The following CDH3 variants were observed in gnomAD, a reference collection of about 807,000 sequenced individuals.
CDH3 encodes the protein cadherin-3.
In CDH3, 54 loss-of-function variants were observed where a neutral mutation model predicts 82.0. The ratio of observed to expected loss-of-function variants is 0.66; its 90% CI spans 0.53 to 0.83. CDH3 has a LOEUF of 0.83. Among genes scored for constraint, CDH3 ranks in the 40% least tolerant of loss-of-function variants. The probability of loss-of-function intolerance (pLI) is 0.00; values close to 1 mark genes in which losing one functional copy is unlikely to be tolerated. For missense variants in CDH3, 1,054 were observed against 1,084.6 expected (o/e 0.97, Z 0.40); for synonymous variants, 446 against 437.9 (o/e 1.02, Z -0.23).
chr16:68,656,641 T>C (rs930486334), intron 2 of CDH3, among the ~76,000 whole-genome samples: 1 of 152,194 alleles, frequency 6.6e-6, no homozygotes, highest in African/African-American at 2.4e-5. Flanking sequence ...GGTGTCACAT[T>C]TTGAACACAG....
intron 2 of CDH3, among the ~76,000 whole-genome samples, chr16:68,675,794 A>AG: frequency 7.0e-6 from 1 of 142,806 alleles, no homozygotes; most frequent in East Asian, 2.0e-4. Flanking sequence ...CTCTGCCTCG[A>AG]AAAAAAAAAA....
chr16:68,683,919 T>C (rs915900449), intron 9 of CDH3, among the ~76,000 whole-genome samples: 4 of 150,584 alleles, frequency 2.7e-5, no homozygotes, highest in Non-Finnish European at 4.4e-5. Context: ...ATACAAAAAT[T>C]AGCTGGGCGT....
At chr16:68,645,528 C>G in intron 1 of CDH3, 104 bp downstream of exon 1, 1 of 1,477,008 alleles carries the variant, frequency 6.8e-7, no homozygotes. Context: ...GCTGCGCTCC[C>G]TGGGGCCAAG....
Position 68,678,757 on chromosome 16 carries a change from C to T in CDH3, c.547-5C>T. The T allele has an allele frequency of 6.2e-7, 1 of 1,614,124 alleles. No homozygotes were observed. Among genetic ancestry groups the T allele is most frequent in the Non-Finnish European group, 8.5e-7 (1 of 1,180,004 alleles). ...GGGCTGACCCCAGAGCTGTGTACCC[C>T]ACAGCTCTTTGGCCACGCTGTGTCA... On this transcript the variant is annotated splice_region_variant and splice_polypyrimidine_tract_variant and intron_variant, in intron 5 of 15. Coordinates refer to ENST00000264012, the MANE Select transcript of CDH3 (RefSeq NM_001793.6).
intron 2 of CDH3, among the ~76,000 whole-genome samples, chr16:68,648,701 C>T (rs373242507): frequency 6.6e-6 from 1 of 152,192 alleles, no homozygotes; most frequent in African/African-American, 2.4e-5. Flanking sequence ...CTTCCCACCT[C>T]AGCCTCCCAA....
chr16:68,719,137 G>C (rs1048438951), intron 1 of CDH3, among the ~76,000 whole-genome samples: 2 of 151,850 alleles, frequency 1.3e-5, no homozygotes, highest in Non-Finnish European at 2.9e-5. Context: ...AGCTACTTGG[G>C]AGGCTGAGAC....
At chr16:68,671,631 C>G (rs972140508) in intron 2 of CDH3, among the ~76,000 whole-genome samples, 4 of 149,090 alleles carry the variant, frequency 2.7e-5, no homozygotes, top group Admixed American at 6.8e-5. Flanking sequence ...AAGCGATTCT[C>G]CTGCCTCAGC....
At chr16:68,710,883 G>A (rs1962017764) in intron 1 of CDH3, among the ~76,000 whole-genome samples, 1 of 145,654 alleles carries the variant, frequency 6.9e-6, no homozygotes, top group African/African-American at 2.5e-5. Context: ...GGGAGAGAGA[G>A]AGAGAAAGAA....
intron 11 of CDH3, chr16:68,686,265 G>C (rs1961408423): frequency 1.6e-6 from 1 of 642,778 alleles, no homozygotes; most frequent in Non-Finnish European, 2.8e-6. Context: ...GCAAGGGCTG[G>C]GGTGAGTGCA....
At chr16:68,650,955 GAA>G (rs1458919109) in intron 2 of CDH3, 5 of 181,774 alleles carry the variant, frequency 2.8e-5, no homozygotes, top group Admixed American at 1.7e-4. Flanking sequence ...AAAAAAAAAA[GAA>G]GAGGAAAACG....
At chr16:68,662,876 T>G (rs1266643130) in intron 2 of CDH3, among the ~76,000 whole-genome samples, 10 of 140,904 alleles carry the variant, frequency 7.1e-5, no homozygotes, top group Admixed American at 2.1e-4. Flanking sequence ...TTTTTTTTTT[T>G]TTTTTTTTTT....
At chr16:68,708,957 T>A (rs889303002) in intron 1 of CDH3, among the ~76,000 whole-genome samples, 1 of 151,966 alleles carries the variant, frequency 6.6e-6, no homozygotes. Context: ...TTGTATTTTT[T>A]AATTAGGTAC....
chr16:68,725,102 T>C (rs1962205137), intron 2 of CDH3, among the ~76,000 whole-genome samples: 1 of 152,056 alleles, frequency 6.6e-6, no homozygotes, highest in Non-Finnish European at 1.5e-5. Context: ...GTTCTTGAGA[T>C]GCCAGGTCCA....
At chr16:68,704,574 C>T (rs1318759872), downstream of CDH3, among the ~76,000 whole-genome samples, 1 of 152,254 alleles carries the variant, frequency 6.6e-6, no homozygotes, top group African/African-American at 2.4e-5. Context: ...CCAGCCCAAG[C>T]GCCAGGTCTG....
intron 2 of CDH3, among the ~76,000 whole-genome samples, chr16:68,674,196 T>C (rs1264321986): frequency 1.3e-5 from 2 of 152,158 alleles, no homozygotes; most frequent in East Asian, 3.9e-4. Context: ...CCAACACTTG[T>C]TGTTTTCTTT....
At chr16:68,673,817 C>T (rs187791131) in intron 2 of CDH3, among the ~76,000 whole-genome samples, 280 of 151,968 alleles carry the variant, frequency 1.8e-3, no homozygotes, top group African/African-American at 6.3e-3. Context: ...CCCAGCTACT[C>T]GGGAGGCTGA....
intron 2 of CDH3, among the ~76,000 whole-genome samples, chr16:68,657,975 A>C (rs894882125): frequency 2.0e-5 from 3 of 152,108 alleles, no homozygotes; most frequent in African/African-American, 7.2e-5. Flanking sequence ...AACCGTGCCT[A>C]AGAGTGCATG....
rs562645181 is a variant in CDH3, at chr16:68,645,430, C to A, written c.45+6C>A. On this transcript the variant is annotated splice_donor_region_variant and intron_variant, in intron 1 of 15. Coordinates refer to ENST00000264012, the MANE Select transcript of CDH3 (RefSeq NM_001793.6). ...CGTCTCTCCTCCTTCTCCAGGTACT[C>A]CACAGCCTCGCCGTGGCCCCGACCG... The A allele has an allele frequency of 2.2e-5, 35 of 1,613,154 alleles. 1 individual carries two copies. The South Asian group carries it at 3.6e-4, about 17-fold the overall frequency.
intron 2 of CDH3, among the ~76,000 whole-genome samples, chr16:68,656,671 A>G (rs937941035): frequency 2.0e-5 from 3 of 152,184 alleles, no homozygotes; most frequent in Admixed American, 2.0e-4. Context: ...CCTAAGTATG[A>G]GGCACTGACC....
Sources: gnomAD v4.1 joint callset for allele counts (sites outside exome capture counted in the v4.1 genomes callset) on GRCh38, gnomAD v4.1.1 for gene constraint, MANE v1.5 for transcripts, NCBI Gene and HGNC (gene_info 2026-07-23, HGNC 2026-07-21) for gene names.